WHAMM: variants seen among roughly 807,000 people sequenced by gnomAD.
The protein encoded by WHAMM is WASP homolog associated with actin, golgi membranes and microtubules.
WHAMM carries 67 observed loss-of-function variants against 76.5 expected under a neutral mutation model. That is an observed-to-expected ratio of 0.88 (90% CI 0.72 to 1.07). WHAMM has a LOEUF of 1.07. WHAMM is among the 50% of genes least tolerant of loss of function. The probability of loss-of-function intolerance (pLI) is 0.00; values close to 1 mark genes in which losing one functional copy is unlikely to be tolerated. For missense variants in WHAMM, 1,021 were observed against 1,051.1 expected, an observed-to-expected ratio of 0.97 and a Z score of 0.40; for synonymous variants, 419 against 422.1, an observed-to-expected ratio of 0.99 and a Z score of 0.09.
intron 8 of WHAMM, among the ~76,000 whole-genome samples, chr15:82,828,083 A>T (rs1353331112): frequency 6.6e-6 from 1 of 152,218 alleles, no homozygotes; most frequent in Non-Finnish European, 1.5e-5. Flanking sequence ...AACCCACTTT[A>T]TCCCAGAAAA....
chr15:82,816,707 G>T lies in WHAMM; in HGVS notation c.799G>T (p.Asp267Tyr), dbSNP rs1400273965. 6.4e-7 allele frequency: 1 copy of T among 1,554,632 alleles called. No individual in the cohort carries two copies. The highest frequency in any genetic ancestry group is 8.7e-7 in the Non-Finnish European group (1 of 1,148,420). ...KLDILKSLDE[D>Y]DLGPRRVVAL... ...CTGTCTGTAGAAGTCTTTGGATGAGGATGACCTAGGTCCTAGAAGGGTAGT... is the reference window on the plus strand; with the variant it reads ...CTGTCTGTAGAAGTCTTTGGATGAGTATGACCTAGGTCCTAGAAGGGTAGT... The change falls in exon 3 of 10, where the codon GAT becomes TAT. Residue 267 changes from aspartate to tyrosine, a missense_variant. Asp to Tyr is a radical substitution (Grantham distance 160, BLOSUM62 -3). Coordinates refer to ENST00000286760, the MANE Select transcript of WHAMM (RefSeq NM_001080435.3).
At chr15:82,810,671 A>G in intron 1 of WHAMM, 1 of 985,474 alleles carries the variant, frequency 1.0e-6, no homozygotes, top group Non-Finnish European at 1.2e-6. Context: ...AAGACTGAAA[A>G]CAACCCATCC....
rs1392896814 is a variant in WHAMM at position 82,835,669 on chromosome 15, C to G, written c.*2133C>G. The G allele has an allele frequency of 6.6e-6, 1 of 152,408 alleles. No individual in the cohort carries two copies. Among genetic ancestry groups the G allele is most frequent in the Admixed American group, 6.5e-5 (1 of 15,286 alleles). The allele number at this position is 152,408 out of a possible 1,614,324, so 9.4% of individuals were successfully genotyped here. A position where few individuals can be genotyped will look rare whatever the true frequency, so the allele number is the denominator to read the frequency against. On this transcript the variant is annotated 3_prime_UTR_variant, in exon 10 of 10. Coordinates refer to ENST00000286760, the MANE Select transcript of WHAMM (RefSeq NM_001080435.3). ...ACTGTGCTGGCCCAGGCCTGATGGG[C>G]CAAGCCCTGACTCTGCACTGGCCCC...
chr15:82,829,082 T>C (rs530990010), intron 8 of WHAMM, among the ~76,000 whole-genome samples: 160 of 152,338 alleles, frequency 1.1e-3, no homozygotes, highest in Admixed American at 4.2e-3. Context: ...ATGCATGATA[T>C]CTATTGCGAT....
intron 2 of WHAMM, among the ~76,000 whole-genome samples, chr15:82,814,500 G>A (rs1425270596): frequency 6.6e-6 from 1 of 152,086 alleles, no homozygotes; most frequent in African/African-American, 2.4e-5. Flanking sequence ...ACCTAGGCTG[G>A]AGTGCAGTGG....
intron 5 of WHAMM, among the ~76,000 whole-genome samples, 192 bp from the exon 6 acceptor site, chr15:82,822,904 TTACA>T (rs58528072): frequency 0.14 from 21,156 of 152,010 alleles, 1,651 homozygotes; most frequent in Admixed American, 0.19. Flanking sequence ...CACATGCTAC[TTACA>T]TACATGTATA....
At chr15:82,810,616 G>A in intron 1 of WHAMM, 1 of 985,472 alleles carries the variant, frequency 1.0e-6, no homozygotes, top group Non-Finnish European at 1.2e-6. Context: ...GAAGATGCTG[G>A]CAGAGCAGGA....
intron 5 of WHAMM, among the ~76,000 whole-genome samples, chr15:82,822,576 T>C (rs1346435961): frequency 2.0e-5 from 3 of 152,312 alleles, no homozygotes; most frequent in East Asian, 3.9e-4. Flanking sequence ...TAGCTCGGAT[T>C]ATAGGCATGC....
chr15:82,822,885 GGA>G (rs1449057379), intron 5 of WHAMM, among the ~76,000 whole-genome samples: 12 of 149,464 alleles, frequency 8.0e-5, no homozygotes, highest in East Asian at 5.9e-4. Flanking sequence ...TACACTACAT[GGA>G]TATACACACA....
intron 2 of WHAMM, among the ~76,000 whole-genome samples, chr15:82,813,647 ATTTTTTTTTT>A (rs10563149): frequency 8.2e-4 from 49 of 60,072 alleles, no homozygotes; most frequent in East Asian, 1.3e-3. Context: ...CTGGTGATGA[ATTTTTTTTTT>A]TTTTTTTTTT....
rs1477944597 is a variant in WHAMM, at chr15:82,810,183, C to T, written c.457C>T (p.Leu153=). ...GCTGTGCGGGCAGCTGGAACGCTATCTGGGCGCGGCGGCCGACGGCTGCGG... is the reference window on the plus strand; with the variant it reads ...GCTGTGCGGGCAGCTGGAACGCTATTTGGGCGCGGCGGCCGACGGCTGCGG... ...QELCGQLERY[L]GAAADGCGGA... The change falls in exon 1 of 10, where the codon CTG becomes TTG. Residue 153 remains leucine (L), a synonymous_variant. Coordinates refer to ENST00000286760, the MANE Select transcript of WHAMM (RefSeq NM_001080435.3). 2 of 1,404,090 alleles carry T rather than the reference C, an allele frequency of 1.4e-6. No homozygotes were observed. The highest frequency in any genetic ancestry group is 6.6e-5 in the East Asian group (2 of 30,166). 87.0% of individuals were successfully genotyped at this position (1,404,090 alleles called of 1,614,324 possible).
chr15:82,820,784 A>G (rs537304871), intron 5 of WHAMM, among the ~76,000 whole-genome samples: 2 of 151,738 alleles, frequency 1.3e-5, no homozygotes, highest in Non-Finnish European at 2.9e-5. Context: ...AATCCCAGCT[A>G]CCTGTGAGGC....
At position 82,809,898 on chromosome 15, in the gene WHAMM, G is replaced by GGGGCCCGGTTGGGGCCC; in HGVS notation, c.174_190dup (p.Glu64GlyfsTer158). On this transcript the variant is annotated frameshift_variant, in exon 1 of 10. Coordinates refer to ENST00000286760, the MANE Select transcript of WHAMM (RefSeq NM_001080435.3). LOFTEE classifies it high-confidence loss of function. ...CGCGCAGCAGCGGCGGCTGCGCGAGGGGGCCCGGTTGGGGCCCGAGCCCGA... is the reference window on the plus strand; with the variant it reads ...CGCGCAGCAGCGGCGGCTGCGCGAGGGGGCCCGGTTGGGGCCCGGGCCCGGTTGGGGCCCGAGCCCGA... 6.5e-7 allele frequency: 1 copy of GGGGCCCGGTTGGGGCCC among 1,549,742 alleles called. No individual in the cohort carries two copies. The highest frequency in any genetic ancestry group is 8.7e-7 in the Non-Finnish European group (1 of 1,145,884).
At chr15:82,817,682 A>G (rs1346297044) in intron 3 of WHAMM, among the ~76,000 whole-genome samples, 33 of 152,226 alleles carry the variant, frequency 2.2e-4, no homozygotes, top group Admixed American at 6.5e-4. Context: ...CCAAAATATA[A>G]GAAGCAGTTG....
At chr15:82,824,742 A>G (rs1307872886) in intron 6 of WHAMM, among the ~76,000 whole-genome samples, 5 of 152,256 alleles carry the variant, frequency 3.3e-5, no homozygotes, top group Admixed American at 2.0e-4. Flanking sequence ...CTGGGATTAG[A>G]GGCGTGAGCC....
intron 2 of WHAMM, among the ~76,000 whole-genome samples, chr15:82,814,020 C>T (rs1004337753): frequency 6.6e-6 from 1 of 152,014 alleles, no homozygotes; most frequent in African/African-American, 2.4e-5. Context: ...TAAGGACTTA[C>T]GCAGATTTCT....
At position 82,818,006 on chromosome 15, in the gene WHAMM, C is replaced by T; in HGVS notation, c.1021C>T (p.Leu341=). Residue 341 remains leucine, a synonymous_variant, in exon 4 of 10, where the codon CTA becomes TTA. Transcript: ENST00000286760. The part of the protein sequence containing the change: ...TAIPRLEKLQ[L]MLARETLQLM... ...AATTCCCAGGTTGGAAAAACTTCAG[C>T]TAATGCTAGCTCGAGAGACTCTGCA... 6.5e-7 allele frequency: 1 copy of T among 1,549,166 alleles called. No homozygotes were observed. The highest frequency in any genetic ancestry group is 8.7e-7 in the Non-Finnish European group (1 of 1,146,488).
chr15:82,815,155 A>ATATATATATAAT (rs55807384), intron 2 of WHAMM, among the ~76,000 whole-genome samples: 2,303 of 45,926 alleles, frequency 0.05, 296 homozygotes, highest in African/African-American at 0.073. Context: ...ATATATATAT[A>ATATATATATAAT]GTACAATTCA....
chr15:82,811,744 A>C (rs761900302), intron 1 of WHAMM, among the ~76,000 whole-genome samples: 67 of 152,154 alleles, frequency 4.4e-4, no homozygotes, highest in Non-Finnish European at 1.8e-4. Context: ...GAATGTTTTA[A>C]CTCTGGAATT....
Sources: gnomAD v4.1 joint callset for allele counts (sites outside exome capture counted in the v4.1 genomes callset) on GRCh38, gnomAD v4.1.1 for gene constraint, MANE v1.5 for transcripts, NCBI Gene and HGNC (gene_info 2026-07-23, HGNC 2026-07-21) for gene names.